Variants in CNTN5 observed in about 807,000 individuals in gnomAD.
CNTN5 encodes the protein contactin 5.
In CNTN5, 77 loss-of-function variants were observed where a neutral mutation model predicts 129.1. The ratio of observed to expected loss-of-function variants is 0.60; its 90% CI spans 0.50 to 0.72. CNTN5 has a LOEUF of 0.72. CNTN5 is among the 30% of genes least tolerant of loss of function. The pLI is 0.00. For synonymous variants in CNTN5, 509 were observed against 465.6 expected (o/e 1.09, Z -1.20); for missense variants, 1,478 against 1,328.8 (o/e 1.11, Z -1.75).
At chr11:100,203,426 T>G (rs1229909751) in intron 15 of CNTN5, among the ~76,000 whole-genome samples, 1 of 152,044 alleles carries the variant, frequency 6.6e-6, no homozygotes, top group African/African-American at 2.4e-5. Flanking sequence ...ATCATTCTTC[T>G]GAAGAAAATA....
chr11:99,744,053 A>G (rs12221910), intron 3 of CNTN5, among the ~76,000 whole-genome samples: 1 of 151,870 alleles, frequency 6.6e-6, no homozygotes, highest in African/African-American at 2.4e-5. Context: ...AAAAATTTAC[A>G]TGTTGCCATA....
chr11:99,709,491 C>T (rs915454983), intron 3 of CNTN5, among the ~76,000 whole-genome samples: 22 of 151,566 alleles, frequency 1.5e-4, no homozygotes, highest in Admixed American at 1.3e-3. Context: ...TGCACATGCA[C>T]GTAATTACAT....
intron 1 of CNTN5, among the ~76,000 whole-genome samples, chr11:99,204,555 T>G (rs1430523124): frequency 1.3e-5 from 2 of 152,226 alleles, no homozygotes; most frequent in Non-Finnish European, 2.9e-5. Flanking sequence ...CTTTTTTCTT[T>G]TGCCATTTTC....
At chr11:99,055,251 G>T (rs1864583318) in intron 1 of CNTN5, among the ~76,000 whole-genome samples, 1 of 151,926 alleles carries the variant, frequency 6.6e-6, no homozygotes, top group African/African-American at 2.4e-5. Flanking sequence ...CAATGAAATT[G>T]TTTTAATACA....
At chr11:99,111,209 T>G (rs1353188544) in intron 1 of CNTN5, among the ~76,000 whole-genome samples, 4 of 152,120 alleles carry the variant, frequency 2.6e-5, no homozygotes, top group Non-Finnish European at 5.9e-5. Context: ...CAGGTGACTC[T>G]GTACAACTGC....
At chr11:100,152,515 GCCCAT>G (rs1947100022) in intron 13 of CNTN5, among the ~76,000 whole-genome samples, 1 of 152,050 alleles carries the variant, frequency 6.6e-6, no homozygotes, top group South Asian at 2.1e-4. Flanking sequence ...AAGAAAGGTG[GCCCAT>G]TTAGGCTGAT....
intron 3 of CNTN5, among the ~76,000 whole-genome samples, chr11:99,584,723 C>T (rs1358176693): frequency 6.6e-6 from 1 of 152,218 alleles, no homozygotes; most frequent in African/African-American, 2.4e-5. Context: ...AGTACAGTGG[C>T]TGCCTCAGGG....
intron 1 of CNTN5, among the ~76,000 whole-genome samples, chr11:99,243,793 G>T (rs1317242149): frequency 2.1e-5 from 3 of 145,850 alleles, no homozygotes; most frequent in Non-Finnish European, 3.0e-5. Flanking sequence ...TTTATTTCTG[G>T]GTTGTCTATG....
chr11:99,344,635 T>C (rs1937695350), intron 2 of CNTN5, among the ~76,000 whole-genome samples: 2 of 152,038 alleles, frequency 1.3e-5, no homozygotes, highest in South Asian at 4.2e-4. Context: ...AATAAGTAAA[T>C]AGAATGGCTA....
intron 13 of CNTN5, among the ~76,000 whole-genome samples, chr11:100,151,556 C>A (rs1947057406): frequency 6.6e-6 from 1 of 152,122 alleles, no homozygotes; most frequent in African/African-American, 2.4e-5. Context: ...CCTAACGGGG[C>A]AAGCAACCCG....
At chr11:99,493,931 T>A (rs1946130658) in intron 2 of CNTN5, among the ~76,000 whole-genome samples, 1 of 152,346 alleles carries the variant, frequency 6.6e-6, no homozygotes, top group Non-Finnish European at 1.5e-5. Flanking sequence ...AGAATTGGAA[T>A]TAAAATTAAA....
intron 18 of CNTN5, among the ~76,000 whole-genome samples, chr11:100,271,685 T>C (rs1189982818): frequency 1.3e-5 from 2 of 152,182 alleles, no homozygotes; most frequent in East Asian, 1.9e-4. Flanking sequence ...AATTACACTT[T>C]GCAAATAGTA....
intron 9 of CNTN5, among the ~76,000 whole-genome samples, chr11:100,004,531 C>A (rs185847396): frequency 6.6e-6 from 1 of 152,162 alleles, no homozygotes. Flanking sequence ...TTCCCACATA[C>A]GTGTTTCTCC....
intron 21 of CNTN5, among the ~76,000 whole-genome samples, chr11:100,327,365 C>T (rs2138977177): frequency 6.6e-6 from 1 of 152,310 alleles, no homozygotes; most frequent in East Asian, 1.9e-4. Context: ...TTCTTCAGCC[C>T]CACATCCCCC....
chr11:99,898,675 T>G (rs192836875), intron 6 of CNTN5, among the ~76,000 whole-genome samples: 1 of 152,052 alleles, frequency 6.6e-6, no homozygotes, highest in African/African-American at 2.4e-5. Context: ...CTAGAAATTA[T>G]GTATTTTCAT....
At chr11:99,929,897 A>T (rs1223811743) in intron 7 of CNTN5, among the ~76,000 whole-genome samples, 1 of 152,202 alleles carries the variant, frequency 6.6e-6, no homozygotes, top group Non-Finnish European at 1.5e-5. Context: ...GAGGTAGTAG[A>T]TTTAAGGCAG....
intron 18 of CNTN5, among the ~76,000 whole-genome samples, chr11:100,273,750 A>G (rs996485697): frequency 1.3e-5 from 2 of 152,220 alleles, no homozygotes; most frequent in South Asian, 2.1e-4. Flanking sequence ...GGAACCCGCT[A>G]GCACTCAAAA....
intron 1 of CNTN5, among the ~76,000 whole-genome samples, chr11:99,212,637 A>G (rs1859865580): frequency 6.6e-6 from 1 of 151,860 alleles, no homozygotes; most frequent in Non-Finnish European, 1.5e-5. Context: ...CCCACCCTTT[A>G]TTGTATTTAT....
At chr11:99,797,292 G>C (rs983182130) in intron 3 of CNTN5, among the ~76,000 whole-genome samples, 1 of 152,146 alleles carries the variant, frequency 6.6e-6, no homozygotes, top group Non-Finnish European at 1.5e-5. Flanking sequence ...TAGGTGGAAT[G>C]GTAGTTCTGG....
Sources: allele counts gnomAD v4.1 joint callset (sites outside exome capture counted in the v4.1 genomes callset), GRCh38; gene constraint gnomAD v4.1.1; transcripts MANE v1.5; gene names NCBI Gene and HGNC (gene_info 2026-07-23, HGNC 2026-07-21).